Variants in RCOR3 observed in about 807,000 individuals in gnomAD.
The protein encoded by RCOR3 is REST corepressor 3.
In RCOR3, 13 loss-of-function variants were observed where a neutral mutation model predicts 64.1. That is an observed-to-expected ratio of 0.20 (90% CI 0.13 to 0.32). RCOR3 has a LOEUF of 0.32. Ranked by LOEUF, RCOR3 falls within the 10% of genes least tolerant of loss-of-function variation. The probability of loss-of-function intolerance (pLI) is 1.00; values close to 1 mark genes in which losing one functional copy is unlikely to be tolerated. For synonymous variants in RCOR3, 215 were observed against 239.0 expected (o/e 0.90, Z 0.93); for missense variants, 489 against 701.2 (o/e 0.70, Z 3.42).
intron 9 of RCOR3, among the ~76,000 whole-genome samples, chr1:211,296,914 T>C (rs1394705783): frequency 2.0e-5 from 3 of 152,112 alleles, no homozygotes; most frequent in African/African-American, 7.2e-5. Flanking sequence ...AATTTTGTAA[T>C]CTAAAATGTA....
chr1:211,272,956 T>G (rs1417917304), intron 3 of RCOR3, among the ~76,000 whole-genome samples: 1 of 152,178 alleles, frequency 6.6e-6, no homozygotes, highest in African/African-American at 2.4e-5. Flanking sequence ...CCACACTGAT[T>G]GTAATGCATA....
chr1:211,291,541 G>A (rs1414976625), intron 8 of RCOR3: 1 of 456,022 alleles, frequency 2.2e-6, no homozygotes, highest in East Asian at 7.0e-5. Flanking sequence ...CATCCACTGG[G>A]AGTTTTGGAC....
intron 10 of RCOR3, among the ~76,000 whole-genome samples, chr1:211,304,435 T>G (rs1482512004): frequency 6.6e-6 from 1 of 152,250 alleles, no homozygotes; most frequent in African/African-American, 2.4e-5. Context: ...TTGGTATTCC[T>G]GCAGTTGGGT....
intron 8 of RCOR3, among the ~76,000 whole-genome samples, chr1:211,292,713 A>G (rs546328204): frequency 2.2e-4 from 34 of 152,324 alleles, no homozygotes; most frequent in African/African-American, 7.7e-4. Context: ...CTCAGTGAGT[A>G]GTGCCACATA....
chr1:211,306,347 GT>G (rs1182476565), intron 10 of RCOR3, among the ~76,000 whole-genome samples: 1 of 150,784 alleles, frequency 6.6e-6, no homozygotes, highest in African/African-American at 2.4e-5. Context: ...GCAGGCAATT[GT>G]TTTTGTTTTT....
At chr1:211,307,700 T>G (rs546116820) in intron 10 of RCOR3, among the ~76,000 whole-genome samples, 226 of 152,078 alleles carry the variant, frequency 1.5e-3, no homozygotes, top group African/African-American at 5.1e-3. Flanking sequence ...AAGCCACCTC[T>G]TAAATATATT....
chr1:211,295,523 GTGGCATGTCATA>G lies in RCOR3; in HGVS notation c.940-152_940-141del. Among the ~76,000 whole-genome samples the G allele has an allele frequency of 2.6e-5, 4 of 152,280 alleles. No homozygotes were observed. The South Asian group carries it at 8.3e-4, about 32-fold the overall frequency. On this transcript the variant is annotated intron_variant, in intron 8 of 11. Coordinates refer to ENST00000419091, the MANE Select transcript of RCOR3 (RefSeq NM_001136223.3). ...GTTCATACATGTATAAGTTGAATTA[GTGGCATGTCATA>G]CCCCAAGTGTGATTAGTATGACTAT...
Position 211,283,386 on chromosome 1 carries a change from A to G in RCOR3, c.720+4070A>G, listed in dbSNP as rs1558072232. The stretch of plus-strand genomic sequence containing the variant: ...GGATTCTTTGGAATGGAGTCACTCT[A>G]TTTTAGGGAATAGCCACATTAAACT... On this transcript the variant is annotated intron_variant, in intron 7 of 11. Coordinates refer to ENST00000419091, the MANE Select transcript of RCOR3 (RefSeq NM_001136223.3). Among the ~76,000 whole-genome samples, 6 of 152,312 alleles carry G rather than the reference A, an allele frequency of 3.9e-5. No homozygotes were observed. The South Asian group carries it at 1.0e-3, about 26-fold the overall frequency.
chr1:211,300,889 G>C (rs973524037), intron 9 of RCOR3, among the ~76,000 whole-genome samples: 4 of 151,878 alleles, frequency 2.6e-5, no homozygotes, highest in African/African-American at 9.7e-5. Context: ...TTTGAACTGA[G>C]GGAGACTCTA....
intron 2 of RCOR3, chr1:211,261,294 T>C (rs1210116015): frequency 6.6e-6 from 1 of 152,178 alleles, no homozygotes; most frequent in Admixed American, 6.5e-5. Flanking sequence ...CAAAATGATA[T>C]TTACCAACCA....
intron 2 of RCOR3, among the ~76,000 whole-genome samples, chr1:211,268,597 G>A (rs909505213): frequency 4.6e-5 from 7 of 151,748 alleles, no homozygotes; most frequent in Non-Finnish European, 8.8e-5. Flanking sequence ...TGCTGGTCTC[G>A]AACTCCCGAC....
chr1:211,290,314 G>C (rs560208889), intron 8 of RCOR3, among the ~76,000 whole-genome samples: 1 of 151,924 alleles, frequency 6.6e-6, no homozygotes, highest in Non-Finnish European at 1.5e-5. Flanking sequence ...TTTTTTCTCT[G>C]TTTCCTGTCT....
At chr1:211,270,039 G>A (rs1161553506) in intron 2 of RCOR3, among the ~76,000 whole-genome samples, 1 of 149,352 alleles carries the variant, frequency 6.7e-6, no homozygotes, top group African/African-American at 2.5e-5. Flanking sequence ...ATATTAAGAA[G>A]AAGTTGCGTT....
intron 2 of RCOR3, chr1:211,261,329 C>T (rs999256563): frequency 6.6e-5 from 10 of 151,892 alleles, no homozygotes; most frequent in African/African-American, 2.4e-4. Flanking sequence ...AGCAGCTCTT[C>T]CTCCTGTCCC....
intron 4 of RCOR3, 87 bp downstream of exon 4, chr1:211,274,349 G>A (rs1466842186): frequency 8.6e-6 from 8 of 928,092 alleles, no homozygotes; most frequent in African/African-American, 1.6e-5. Context: ...TCCTAACAGC[G>A]TGCATAAGCT....
chr1:211,286,427 CCTCCTGAGTAG>C (rs1358236995), intron 7 of RCOR3, among the ~76,000 whole-genome samples: 1 of 151,984 alleles, frequency 6.6e-6, no homozygotes, highest in East Asian at 1.9e-4. Context: ...CCTGCCTCAG[CCTCCTGAGTAG>C]CTGGGACTAC....
At chr1:211,283,841 C>T (rs1055699885) in intron 7 of RCOR3, among the ~76,000 whole-genome samples, 4 of 149,990 alleles carry the variant, frequency 2.7e-5, no homozygotes, top group Admixed American at 1.3e-4. Context: ...CATTTTTCCA[C>T]TGCGTATTTG....
Position 211,316,319 on chromosome 1 carries a change from T to G in RCOR3, c.*2551T>G, listed in dbSNP as rs977219067. ...GTAAGAGTAAGTTATGATCAAACTTTTTATGTTCTTAATAAGCTTGCAATT... is the reference window on the plus strand; with the variant it reads ...GTAAGAGTAAGTTATGATCAAACTTGTTATGTTCTTAATAAGCTTGCAATT... On this transcript the variant is annotated 3_prime_UTR_variant, in exon 12 of 12. Transcript: ENST00000419091. 1.3e-5 allele frequency: 2 copies of G among 152,192 alleles called. No individual in the cohort carries two copies. Among genetic ancestry groups the G allele is most frequent in the Non-Finnish European group, 2.9e-5 (2 of 68,026 alleles). 9.4% of individuals were successfully genotyped at this position (152,192 alleles called of 1,614,324 possible).
intron 7 of RCOR3, among the ~76,000 whole-genome samples, chr1:211,288,210 CAAAA>C (rs902271745): frequency 7.8e-6 from 1 of 128,058 alleles, no homozygotes; most frequent in African/African-American, 2.8e-5. Flanking sequence ...GACCCTGTCT[CAAAA>C]AAAAAAAAAA....
Sources: allele counts gnomAD v4.1 joint callset (sites outside exome capture counted in the v4.1 genomes callset), GRCh38; gene constraint gnomAD v4.1.1; transcripts MANE v1.5; gene names NCBI Gene and HGNC (gene_info 2026-07-23, HGNC 2026-07-21).